The following DGKB variants were observed in gnomAD, a reference collection of about 807,000 sequenced individuals.
DGKB encodes the protein 90 kDa diacylglycerol kinase.
In DGKB, 67 loss-of-function variants were observed where a neutral mutation model predicts 114.3. The observed-to-expected ratio is 0.59, with a 90% CI of 0.48 to 0.72. The LOEUF (loss-of-function observed/expected upper bound fraction) is 0.72, where lower values mean the gene tolerates loss of function less well. DGKB is among the 30% of genes least tolerant of loss of function. DGKB has a pLI of 0.00. For synonymous variants in DGKB, 398 were observed against 323.1 expected (o/e 1.23, Z -2.49); for missense variants, 907 against 975.2 (o/e 0.93, Z 0.93).
chr7:14,779,103 C>T (rs1031046809), intron 2 of DGKB, among the ~76,000 whole-genome samples: 2 of 152,034 alleles, frequency 1.3e-5, no homozygotes, highest in Non-Finnish European at 1.5e-5. Context: ...TTGCAGTGAG[C>T]CAAGATCGTG....
chr7:14,494,894 G>T (rs1353895450), intron 20 of DGKB, among the ~76,000 whole-genome samples: 1 of 151,702 alleles, frequency 6.6e-6, no homozygotes. Context: ...AATCCACGTG[G>T]ATCTGCATGT....
rs529741885 is a variant in DGKB, at chr7:14,486,485, A to C, written c.1771-8260T>G. 3.3e-5 allele frequency among the ~76,000 whole-genome samples: 5 copies of C among 152,220 alleles called. No homozygotes were observed. The East Asian group carries it at 9.7e-4, about 29-fold the overall frequency. On this transcript the variant is annotated intron_variant, in intron 20 of 25. Coordinates refer to ENST00000402815, the MANE Select transcript of DGKB (RefSeq NM_001350709.2). ...GTTATATAGAGAAAACGGCCTTGGG[A>C]GGAAAAGACATCCAGCCCCAGGTGA... is the stretch of plus-strand genomic sequence containing the variant.
At chr7:14,689,265 G>A (rs190838745) in intron 9 of DGKB, among the ~76,000 whole-genome samples, 1 of 143,094 alleles carries the variant, frequency 7.0e-6, no homozygotes, top group South Asian at 2.2e-4. Flanking sequence ...GAGGGCAGTG[G>A]CGCGATCTCG....
intron 23 of DGKB, among the ~76,000 whole-genome samples, chr7:14,254,919 G>A (rs1795743985): frequency 1.3e-5 from 2 of 152,074 alleles, no homozygotes; most frequent in African/African-American, 2.4e-5. Flanking sequence ...ATTCCCTAGA[G>A]TTAACAATGT....
intron 1 of DGKB, among the ~76,000 whole-genome samples, chr7:14,850,300 C>G (rs1443863998): frequency 6.6e-6 from 1 of 151,912 alleles, no homozygotes; most frequent in African/African-American, 2.4e-5. Flanking sequence ...AGCAGAGAGA[C>G]AGAAGTAGTT....
intron 20 of DGKB, among the ~76,000 whole-genome samples, chr7:14,551,189 A>AAT (rs1795051547): frequency 1.3e-5 from 2 of 152,210 alleles, no homozygotes; most frequent in African/African-American, 4.8e-5. Flanking sequence ...CAACCATGCA[A>AAT]ATATCTATTT....
chr7:14,385,197 A>T (rs963087550), intron 21 of DGKB, among the ~76,000 whole-genome samples: 1 of 152,132 alleles, frequency 6.6e-6, no homozygotes, highest in Non-Finnish European at 1.5e-5. Flanking sequence ...CGCATGCTGT[A>T]TGCTAACTCC....
At chr7:14,581,441 C>A (rs1475631706) in intron 18 of DGKB, among the ~76,000 whole-genome samples, 1 of 152,138 alleles carries the variant, frequency 6.6e-6, no homozygotes, top group Admixed American at 6.5e-5. Flanking sequence ...ATGTCCTTGA[C>A]TTTTTCCCAC....
chr7:14,570,759 G>T (rs983796960), intron 20 of DGKB, among the ~76,000 whole-genome samples: 1 of 152,126 alleles, frequency 6.6e-6, no homozygotes, highest in South Asian at 2.1e-4. Flanking sequence ...CTCTCCCAGA[G>T]GTGGCAGAGG....
chr7:14,214,550 T>A (rs1438937670), intron 23 of DGKB, among the ~76,000 whole-genome samples: 2 of 152,134 alleles, frequency 1.3e-5, no homozygotes, highest in African/African-American at 4.8e-5. Flanking sequence ...ATTTTCTTAT[T>A]TTAGTTATTT....
Position 14,386,024 on chromosome 7 carries a change from A to G in DGKB, c.1836-40633T>C, listed in dbSNP as rs550266866. Among the ~76,000 whole-genome samples the G allele has an allele frequency of 1.5e-3, 226 of 152,352 alleles. 1 individual carries two copies. The highest frequency in any genetic ancestry group is 2.5e-3 in the Non-Finnish European group (168 of 68,030). The stretch of plus-strand genomic sequence containing the variant: ...TTTAAACCATCGTAGAGCCTTTAAA[A>G]TGTTATGTTACTTGTGAGTTTCCAG... On this transcript the variant is annotated intron_variant, in intron 21 of 25. Coordinates refer to ENST00000402815, the MANE Select transcript of DGKB (RefSeq NM_001350709.2).
intron 23 of DGKB, among the ~76,000 whole-genome samples, chr7:14,285,546 C>G (rs1314667893): frequency 6.6e-6 from 1 of 152,160 alleles, no homozygotes; most frequent in Non-Finnish European, 1.5e-5. Flanking sequence ...TTATTTTCAG[C>G]TGAAAGTCTC....
intron 21 of DGKB, among the ~76,000 whole-genome samples, chr7:14,388,992 C>G (rs933719414): frequency 6.6e-6 from 1 of 152,216 alleles, no homozygotes; most frequent in Non-Finnish European, 1.5e-5. Context: ...AAAACAGTCA[C>G]TGCCCTTTCA....
In DGKB at chr7:14,682,744, C is replaced by CA; in HGVS notation, c.918+8dup. The stretch of plus-strand genomic sequence containing the variant: ...CACCTTCAGAAAGCAAGCATGCACA[C>CA]AAACTTACATCAGTGTTCCTTTTGG... On this transcript the variant is annotated intron_variant, in intron 11 of 25. Transcript: ENST00000402815. 6.2e-7 allele frequency: 1 copy of CA among 1,612,586 alleles called. No homozygotes were observed. The highest frequency in any genetic ancestry group is 8.5e-7 in the Non-Finnish European group (1 of 1,178,934).
chr7:14,627,282 A>G (rs186666525), intron 14 of DGKB, among the ~76,000 whole-genome samples: 5 of 152,210 alleles, frequency 3.3e-5, no homozygotes, highest in African/African-American at 1.2e-4. Context: ...GGGGGACAAC[A>G]AAACAGACAA....
At chr7:14,586,060 C>T (rs182628685) in intron 17 of DGKB, among the ~76,000 whole-genome samples, 24 of 152,200 alleles carry the variant, frequency 1.6e-4, no homozygotes, top group Middle Eastern at 3.4e-3. Context: ...GGAAGAGTTG[C>T]ATTTCTCTTT....
chr7:14,226,624 A>T (rs890420654), intron 23 of DGKB, among the ~76,000 whole-genome samples: 8 of 152,150 alleles, frequency 5.3e-5, no homozygotes, highest in African/African-American at 1.9e-4. Flanking sequence ...AATGATAAAG[A>T]TTTTCATAAT....
chr7:14,691,851 A>C (rs1236399820), intron 9 of DGKB, among the ~76,000 whole-genome samples: 1 of 151,852 alleles, frequency 6.6e-6, no homozygotes, highest in Non-Finnish European at 1.5e-5. Context: ...ACTCTGGAAC[A>C]CAGCTCTGAT....
At chr7:14,373,759 T>C (rs1287218947) in intron 21 of DGKB, among the ~76,000 whole-genome samples, 1 of 152,076 alleles carries the variant, frequency 6.6e-6, no homozygotes, top group African/African-American at 2.4e-5. Context: ...CTTCCTTGAG[T>C]GGTACCATGG....
Sources: gnomAD v4.1 joint callset for allele counts (sites outside exome capture counted in the v4.1 genomes callset) on GRCh38, gnomAD v4.1.1 for gene constraint, MANE v1.5 for transcripts, NCBI Gene and HGNC (gene_info 2026-07-23, HGNC 2026-07-21) for gene names.